PTPRC: variants seen among roughly 807,000 people sequenced by gnomAD.
PTPRC encodes the protein receptor-type tyrosine-protein phosphatase C.
PTPRC carries 44 observed loss-of-function variants against 155.9 expected under a neutral mutation model. The observed-to-expected ratio is 0.28, with a 90% CI of 0.22 to 0.36. The LOEUF (loss-of-function observed/expected upper bound fraction) is 0.36, where lower values mean the gene tolerates loss of function less well. PTPRC is among the 10% of genes least tolerant of loss of function. PTPRC has a pLI of 1.00. For synonymous variants in PTPRC, 525 were observed against 533.1 expected, an observed-to-expected ratio of 0.98 and a Z score of 0.21; for missense variants, 1,401 against 1,564.6, an observed-to-expected ratio of 0.90 and a Z score of 1.76.
intron 2 of PTPRC, among the ~76,000 whole-genome samples, chr1:198,642,970 T>C (rs1055353812): frequency 1.0e-4 from 15 of 146,914 alleles, no homozygotes; most frequent in Non-Finnish European, 2.3e-4. Context: ...CTTTCTTTCT[T>C]TTTTCTTTCT....
chr1:198,740,357 C>A (rs1326897965), intron 23 of PTPRC, among the ~76,000 whole-genome samples: 1 of 151,878 alleles, frequency 6.6e-6, no homozygotes, highest in South Asian at 2.1e-4. Context: ...TCGGGTGTAT[C>A]ATTTGAGGTC....
Position 198,750,725 on chromosome 1 carries a change from T to C in PTPRC, c.3207+99T>C, listed in dbSNP as rs541049052. On this transcript the variant is annotated intron_variant, in intron 29 of 32. Transcript: ENST00000442510. ...TTCATCGCCATACCCACGTCTTTTT[T>C]TATCCCTCCATCACATAATTCTGTC... The C allele has an allele frequency of 5.6e-5, 80 of 1,439,594 alleles. No homozygotes were observed. In the African/African-American group the frequency reaches 9.3e-4, roughly 17 times the overall value. 89.2% of individuals were successfully genotyped at this position (1,439,594 alleles called of 1,614,324 possible). A position where few individuals can be genotyped will look rare whatever the true frequency, so the allele number is the denominator to read the frequency against.
At chr1:198,660,030 C>CATATATATATATATATATATAT (rs34796231) in intron 2 of PTPRC, among the ~76,000 whole-genome samples, 1 of 115,924 alleles carries the variant, frequency 8.6e-6, no homozygotes, top group African/African-American at 3.3e-5. Context: ...TATATATGTC[C>CATATATATATATATATATATAT]ATATATATAT....
chr1:198,656,588 C>T (rs754674931), intron 2 of PTPRC, among the ~76,000 whole-genome samples: 11 of 151,540 alleles, frequency 7.3e-5, no homozygotes, highest in Non-Finnish European at 1.6e-4. Context: ...CAATCAGTGC[C>T]AGAACAGACA....
chr1:198,672,520 A>G (rs866519119), intron 2 of PTPRC, among the ~76,000 whole-genome samples: 9 of 151,974 alleles, frequency 5.9e-5, no homozygotes, highest in Admixed American at 1.3e-4. Flanking sequence ...CCCAGGCTGG[A>G]GTGCAGAGGC....
At chr1:198,701,369 G>A (rs1382538901) in intron 5 of PTPRC, among the ~76,000 whole-genome samples, 6 of 152,160 alleles carry the variant, frequency 3.9e-5, no homozygotes, top group Non-Finnish European at 8.8e-5. Context: ...CAGAAATACA[G>A]ACTCTGCCTG....
chr1:198,696,797 C>T lies in PTPRC; in HGVS notation c.186C>T (p.Thr62=), dbSNP rs962082080. Residue 62 remains threonine (T), a synonymous_variant, in exon 4 of 33, where the codon ACC becomes ACT. Coordinates refer to ENST00000442510, the MANE Select transcript of PTPRC (RefSeq NM_002838.5). The part of the protein sequence containing the change: ...THTTAFSPAS[T]FERENDFSET... ...CCACTGCATTCTCACCCGCAAGCAC[C>T]TTTGAAAGAGAAAATGACTTCTCAG... 2 of 1,613,914 alleles carry T rather than the reference C, an allele frequency of 1.2e-6. No individual in the cohort carries two copies. The highest frequency in any genetic ancestry group is 1.3e-5 in the African/African-American group (1 of 74,918).
chr1:198,642,492 C>T (rs565805885), intron 2 of PTPRC, among the ~76,000 whole-genome samples: 84 of 151,976 alleles, frequency 5.5e-4, no homozygotes, highest in Non-Finnish European at 9.6e-4. Context: ...TCATTGCCTA[C>T]TATGTGTTGA....
chr1:198,660,207 T>C (rs72738024), intron 2 of PTPRC, among the ~76,000 whole-genome samples: 6,053 of 151,650 alleles, frequency 0.04, 177 homozygotes, highest in Middle Eastern at 0.1. Flanking sequence ...ATTGTATGAG[T>C]TTCCTTTCAC....
At position 198,756,456 on chromosome 1, in the gene PTPRC, G is replaced by A; in HGVS notation, c.*275G>A. 3.2e-6 allele frequency: 1 copy of A among 308,800 alleles called. No individual in the cohort carries two copies. The highest frequency in any genetic ancestry group is 5.6e-5 in the South Asian group (1 of 17,776). 19.1% of individuals were successfully genotyped at this position (308,800 alleles called of 1,614,324 possible). On this transcript the variant is annotated 3_prime_UTR_variant, in exon 33 of 33. Transcript: ENST00000442510. ...TGTGTGTATATGTATGTGTGTATGG[G>A]TGTGTGTTTGTGTGAGAGACAGAGA...
chr1:198,680,054 A>G, intron 2 of PTPRC: 1 of 498,220 alleles, frequency 2.0e-6, no homozygotes, highest in Non-Finnish European at 3.6e-6. Context: ...CTGTGCAAGA[A>G]CGCAGCGCGC....
At chr1:198,703,207 A>G (rs996246470) in intron 6 of PTPRC, 91 bp from the exon 7 acceptor site, 1 of 1,576,620 alleles carries the variant, frequency 6.3e-7, no homozygotes, top group African/African-American at 1.3e-5. Context: ...CAAAGATGCC[A>G]ATAGGAAATT....
In PTPRC at chr1:198,742,258, A is replaced by G; in HGVS notation, c.2588A>G (p.Tyr863Cys). 1 of 1,612,294 alleles carries G rather than the reference A, an allele frequency of 6.2e-7. No homozygotes were observed. Among genetic ancestry groups the G allele is most frequent in the Non-Finnish European group, 8.5e-7 (1 of 1,178,908 alleles). The change falls in exon 25 of 33, where the codon TAT becomes TGT. Residue 863 changes from tyrosine (Y) to cysteine (C), a missense_variant. Coordinates refer to ENST00000442510, the MANE Select transcript of PTPRC (RefSeq NM_002838.5). Reference sequence around the variant, plus strand: ...GCTGGTGTTGGGCGCACAGGAACCTATATCGGAATTGATGCCATGCTAGAA... The same window carrying G: ...GCTGGTGTTGGGCGCACAGGAACCTGTATCGGAATTGATGCCATGCTAGAA... ...CSAGVGRTGT[Y>C]IGIDAMLEGL...
In PTPRC at chr1:198,671,249, C is replaced by G. The variant is rs188022170; in HGVS notation, c.74-21098C>G. 3.3e-5 allele frequency among the ~76,000 whole-genome samples: 5 copies of G among 152,166 alleles called. No individual in the cohort carries two copies. In the East Asian group the frequency reaches 5.8e-4, roughly 18 times the overall value. On this transcript the variant is annotated intron_variant, in intron 2 of 32. Transcript: ENST00000442510. ...ATGCATACACCAGTATCACCCCCCT[C>G]ACCCCCCTGTTTCCAATAAATTAAA...
At chr1:198,679,265 G>A (rs375269084) in intron 2 of PTPRC, 2 of 146,566 alleles carry the variant, frequency 1.4e-5, no homozygotes, top group African/African-American at 5.2e-5. Flanking sequence ...ACGGAGTCTC[G>A]CCTTGTCGCC....
intron 11 of PTPRC, among the ~76,000 whole-genome samples, chr1:198,711,727 A>T (rs963653219): frequency 1.3e-5 from 2 of 152,252 alleles, no homozygotes; most frequent in African/African-American, 4.8e-5. Flanking sequence ...TTTCAACAAC[A>T]GAAGTTTTTC....
intron 5 of PTPRC, chr1:198,700,136 T>G (rs979743390): frequency 1.0e-5 from 2 of 193,028 alleles, no homozygotes; most frequent in Non-Finnish European, 2.2e-5. Context: ...AACTGTTATT[T>G]AAAGAATGAG....
intron 5 of PTPRC, 23 bp downstream of exon 5, chr1:198,699,727 T>G: frequency 2.5e-6 from 4 of 1,613,984 alleles, no homozygotes; most frequent in Non-Finnish European, 3.4e-6. Flanking sequence ...TTTAGACTTG[T>G]GCAAATATGA....
intron 2 of PTPRC, among the ~76,000 whole-genome samples, chr1:198,645,398 A>C (rs1267828719): frequency 1.3e-5 from 2 of 151,782 alleles, no homozygotes; most frequent in Non-Finnish European, 2.9e-5. Context: ...ATTAAGCATA[A>C]TAGAAAATGA....
Sources: allele counts gnomAD v4.1 joint callset (sites outside exome capture counted in the v4.1 genomes callset), GRCh38; gene constraint gnomAD v4.1.1; transcripts MANE v1.5; gene names NCBI Gene and HGNC (gene_info 2026-07-23, HGNC 2026-07-21).